Variants in SOX5 observed in about 807,000 individuals in gnomAD.
SOX5 encodes SRY-box transcription factor 5.
A neutral mutation model predicts 92.0 loss-of-function variants in SOX5; 9 were observed. That is an observed-to-expected ratio of 0.10 (90% confidence interval 0.06 to 0.17). The LOEUF is 0.17. SOX5 is among the 10% of genes least tolerant of loss of function. SOX5 has a pLI of 1.00. For synonymous variants in SOX5, 344 were observed against 336.3 expected, an observed-to-expected ratio of 1.02 and a Z score of -0.25; for missense variants, 642 against 944.5, an observed-to-expected ratio of 0.68 and a Z score of 4.20.
rs538042568 is a variant in SOX5, at chr12:23,552,044, C to A, written c.1489-5620G>T. On this transcript the variant is annotated intron_variant, in intron 11 of 14. Transcript: ENST00000451604. ...AGTGTAGAAATTTGAGAGTTTTGGT[C>A]CAGGTGAATAACTTTTCAATATATG... Among the ~76,000 whole-genome samples, 4 of 151,806 alleles carry A rather than the reference C, an allele frequency of 2.6e-5. No individual in the cohort carries two copies. The South Asian group carries it at 8.3e-4, about 32-fold the overall frequency.
At chr12:24,560,876 T>C (rs1954266571) in intron 1 of SOX5, among the ~76,000 whole-genome samples, 1 of 152,248 alleles carries the variant, frequency 6.6e-6, no homozygotes, top group African/African-American at 2.4e-5. Context: ...AAATCTCACA[T>C]GTGCCTACTT....
chr12:23,543,629 T>A (rs1942548866), intron 12 of SOX5, among the ~76,000 whole-genome samples: 1 of 152,222 alleles, frequency 6.6e-6, no homozygotes, highest in South Asian at 2.1e-4. Flanking sequence ...ATGGACTGTT[T>A]CACCATTTAC....
intron 4 of SOX5, among the ~76,000 whole-genome samples, chr12:24,210,311 A>T (rs1412305005): frequency 5.9e-5 from 9 of 152,180 alleles, no homozygotes; most frequent in Non-Finnish European, 1.3e-4. Flanking sequence ...GTCATGGAGG[A>T]GGCAAACAGA....
In SOX5 at chr12:23,887,908, A is replaced by AGTGTGTGTGTGTGTGT. The variant is rs1169542903; in HGVS notation, c.270+7884_270+7885insACACACACACACACAC. Among the ~76,000 whole-genome samples, 357 of 105,948 alleles carry AGTGTGTGTGTGTGTGT rather than the reference A, an allele frequency of 3.4e-3. 3 individuals carry two copies. The highest frequency in any genetic ancestry group is 0.018 in the East Asian group (52 of 2,862). 69.5% of individuals were successfully genotyped at this position (105,948 alleles called of 152,430 possible). On this transcript the variant is annotated intron_variant, in intron 2 of 14. Transcript: ENST00000451604. ...ACCTTGAATTGATGGTAATTGGTCC[A>AGTGTGTGTGTGTGTGT]GTGTGTATATGTGTGTGTGTGTGTG...
intron 4 of SOX5, among the ~76,000 whole-genome samples, chr12:23,960,039 C>T (rs1413054202): frequency 1.3e-5 from 2 of 152,264 alleles, no homozygotes; most frequent in East Asian, 3.9e-4. Context: ...TTTGGCTCAG[C>T]CACCTTCTCT....
At chr12:24,068,698 GTGTGTGTATATATATATATATA>G (rs1299226852) in intron 4 of SOX5, among the ~76,000 whole-genome samples, 1 of 56,430 alleles carries the variant, frequency 1.8e-5, no homozygotes, top group Non-Finnish European at 3.5e-5. Flanking sequence ...GTGTGTGTGT[GTGTGTGTATATATATATATATA>G]TATATATATA....
At chr12:24,131,077 T>C (rs544265587) in intron 4 of SOX5, among the ~76,000 whole-genome samples, 2 of 152,344 alleles carry the variant, frequency 1.3e-5, no homozygotes, top group Non-Finnish European at 1.5e-5. Flanking sequence ...ACTCCAATGA[T>C]AGCTCATCTG....
At chr12:23,916,161 T>C (rs1453806033) in intron 1 of SOX5, among the ~76,000 whole-genome samples, 1 of 152,210 alleles carries the variant, frequency 6.6e-6, no homozygotes, top group East Asian at 1.9e-4. Context: ...AAATAGTTGA[T>C]TCACCCTCTT....
intron 3 of SOX5, among the ~76,000 whole-genome samples, chr12:23,801,843 G>C (rs1370750362): frequency 6.6e-6 from 1 of 152,046 alleles, no homozygotes; most frequent in South Asian, 2.1e-4. Context: ...ACAAACTAGA[G>C]ATTTTAGCTA....
rs570962482 is a variant in SOX5 at position 23,776,399 on chromosome 12, G to A, written c.482-20675C>T. 1.1e-3 allele frequency among the ~76,000 whole-genome samples: 169 copies of A among 152,288 alleles called. 2 individuals are homozygous for A. The highest frequency in any genetic ancestry group is 7.7e-3 in the South Asian group (37 of 4,828). On this transcript the variant is annotated intron_variant, in intron 3 of 14. Coordinates refer to ENST00000451604, the MANE Select transcript of SOX5 (RefSeq NM_006940.6). The stretch of plus-strand genomic sequence containing the variant: ...AACTTTTAAAGAAGGATATGACTGA[G>A]GAAGGCAAGAAATTTTATTTTTGAA...
chr12:23,926,394 T>G (rs1569038620), intron 1 of SOX5, among the ~76,000 whole-genome samples: 1 of 152,042 alleles, frequency 6.6e-6, no homozygotes, highest in Non-Finnish European at 1.5e-5. Context: ...CAAGAAATCA[T>G]CTACATGGGG....
intron 4 of SOX5, among the ~76,000 whole-genome samples, chr12:24,093,731 G>A (rs1309027260): frequency 3.4e-5 from 5 of 149,048 alleles, no homozygotes; most frequent in African/African-American, 4.9e-5. Context: ...TGCAATGGAC[G>A]GTCTTGTACA....
chr12:23,672,851 G>C (rs927338163), intron 6 of SOX5, among the ~76,000 whole-genome samples: 1 of 152,014 alleles, frequency 6.6e-6, no homozygotes, highest in Non-Finnish European at 1.5e-5. Context: ...CATTCTTAAT[G>C]CTATGCAGGT....
chr12:24,253,860 C>T (rs1226753643), intron 3 of SOX5, among the ~76,000 whole-genome samples: 3 of 152,116 alleles, frequency 2.0e-5, no homozygotes, highest in Non-Finnish European at 4.4e-5. Flanking sequence ...GCTTTATAGA[C>T]AATATGTTCT....
Position 23,532,229 on chromosome 12 carries a change from T to C in SOX5, c.*1990A>G, listed in dbSNP as rs527755969. 3 of 151,858 alleles carry C rather than the reference T, an allele frequency of 2.0e-5. No individual in the cohort carries two copies. The highest frequency in any genetic ancestry group is 4.4e-5 in the Non-Finnish European group (3 of 67,978). The allele number at this position is 151,858 out of a possible 1,614,324, so 9.4% of individuals were successfully genotyped here. A position where few individuals can be genotyped will look rare whatever the true frequency, so the allele number is the denominator to read the frequency against. On this transcript the variant is annotated 3_prime_UTR_variant, in exon 15 of 15. Transcript: ENST00000451604. ...AGAAAAACAAACAAAATGAAATCTC[T>C]GACATGCAGGATATGATCAGCTCCT...
chr12:24,318,553 T>C (rs188060985), intron 2 of SOX5, among the ~76,000 whole-genome samples: 82 of 152,340 alleles, frequency 5.4e-4, no homozygotes, highest in Non-Finnish European at 9.6e-4. Context: ...AAGCCTTTGT[T>C]ATTCTGGCTT....
At chr12:24,133,471 T>G (rs962170152) in intron 4 of SOX5, among the ~76,000 whole-genome samples, 3 of 152,166 alleles carry the variant, frequency 2.0e-5, no homozygotes, top group Non-Finnish European at 2.9e-5. Flanking sequence ...CAGCATCAAT[T>G]AAACCCAGGG....
chr12:24,545,943 C>T (rs1952582898), intron 1 of SOX5, among the ~76,000 whole-genome samples: 1 of 152,204 alleles, frequency 6.6e-6, no homozygotes, highest in Admixed American at 6.5e-5. Flanking sequence ...TCACAGTCAA[C>T]ATCTCCTCCT....
In SOX5 at chr12:23,899,862, G is replaced by A. The variant is rs183322984; in HGVS notation, c.39-3838C>T. On this transcript the variant is annotated intron_variant, in intron 1 of 14. Coordinates refer to ENST00000451604, the MANE Select transcript of SOX5 (RefSeq NM_006940.6). ...GGTTAAAGAAGCTTATGAGCTGGTT[G>A]AGAATATTTTAAATAAAAGAATAAA... 5.1e-4 allele frequency among the ~76,000 whole-genome samples: 77 copies of A among 152,274 alleles called. 1 individual carries two copies. The highest frequency in any genetic ancestry group is 1.7e-3 in the Admixed American group (26 of 15,294).
Sources: allele counts gnomAD v4.1 joint callset (sites outside exome capture counted in the v4.1 genomes callset), GRCh38; gene constraint gnomAD v4.1.1; transcripts MANE v1.5; gene names NCBI Gene and HGNC (gene_info 2026-07-23, HGNC 2026-07-21).